Variants in ASTN1 observed in about 807,000 individuals in gnomAD.
ASTN1 encodes astrotactin 1, also known as astrotactin-1.
ASTN1 carries 41 observed loss-of-function variants against 140.7 expected under a neutral mutation model. That is an observed-to-expected ratio of 0.29 (90% CI 0.23 to 0.38). The LOEUF (loss-of-function observed/expected upper bound fraction) is 0.38. Ranked by LOEUF, ASTN1 falls within the 10% of genes least tolerant of loss-of-function variation. The pLI is 1.00. For synonymous variants in ASTN1, 640 were observed against 652.2 expected, an observed-to-expected ratio of 0.98 and a Z score of 0.29; for missense variants, 1,479 against 1,678.8, an observed-to-expected ratio of 0.88 and a Z score of 2.08.
At chr1:177,018,705 G>C (rs1675680925) in intron 7 of ASTN1, among the ~76,000 whole-genome samples, 1 of 152,156 alleles carries the variant, frequency 6.6e-6, no homozygotes, top group Non-Finnish European at 1.5e-5. Flanking sequence ...CTGTCCATAT[G>C]GCAGAATGAA....
chr1:176,926,305 A>G (rs1213002326), intron 16 of ASTN1, among the ~76,000 whole-genome samples: 1 of 136,926 alleles, frequency 7.3e-6, no homozygotes, highest in Non-Finnish European at 1.6e-5. Flanking sequence ...AAAAAAAAAA[A>G]GGTAGCTATT....
intron 16 of ASTN1, among the ~76,000 whole-genome samples, chr1:176,900,454 C>T (rs534022581): frequency 6.7e-6 from 1 of 149,108 alleles, no homozygotes; most frequent in Admixed American, 6.7e-5. Flanking sequence ...TGGTGTGTTT[C>T]TCTCTCTCTC....
At chr1:177,139,136 G>A (rs767432696) in intron 1 of ASTN1, among the ~76,000 whole-genome samples, 1 of 152,154 alleles carries the variant, frequency 6.6e-6, no homozygotes, top group Admixed American at 6.5e-5. Flanking sequence ...TTTTAGATGA[G>A]CATAGCATTG....
intron 1 of ASTN1, among the ~76,000 whole-genome samples, chr1:177,108,595 T>C (rs1680665472): frequency 6.6e-6 from 1 of 152,140 alleles, no homozygotes; most frequent in Non-Finnish European, 1.5e-5. Context: ...AACACACATA[T>C]CTTATTTTCT....
chr1:177,010,273 G>A (rs770844743), intron 8 of ASTN1, among the ~76,000 whole-genome samples: 8 of 152,126 alleles, frequency 5.3e-5, no homozygotes, highest in Non-Finnish European at 8.8e-5. Context: ...TGTCTATGCA[G>A]CCACAGGGAT....
Position 176,946,067 on chromosome 1 carries a change from G to A in ASTN1, c.2108C>T (p.Thr703Met), listed in dbSNP as rs774847597. The change falls in exon 13 of 23, where the codon ACG becomes ATG. Residue 703 changes from threonine to methionine, a missense_variant. Around this residue, in one of 3 missense-constraint regions of ASTN1, gnomAD observed 746 missense variants for 800.9 expected, o/e 0.93. Coordinates refer to ENST00000361833, the MANE Select transcript of ASTN1 (RefSeq NM_004319.3). ...GVDGRSCQLI[T>M]ETCPEGSDCG... is the part of the protein sequence containing the mutation. Reference sequence around the variant, plus strand: ...GTCACTTCCCTCTGGACAGGTCTCCGTGATGAGTTGGCAAGAGCGTCCATC... The same window carrying A: ...GTCACTTCCCTCTGGACAGGTCTCCATGATGAGTTGGCAAGAGCGTCCATC... The A allele has an allele frequency of 7.4e-6, 12 of 1,613,834 alleles. No homozygotes were observed. Among genetic ancestry groups the A allele is most frequent in the African/African-American group, 1.3e-5 (1 of 75,034 alleles).
At chr1:177,135,665 C>T (rs1465232937) in intron 1 of ASTN1, among the ~76,000 whole-genome samples, 1 of 152,166 alleles carries the variant, frequency 6.6e-6, no homozygotes, top group East Asian at 1.9e-4. Context: ...GATGTCTGTT[C>T]ACCATGCTCT....
At position 176,949,300 on chromosome 1, in the gene ASTN1, G is replaced by T. The variant is rs1237890738; in HGVS notation, c.1939C>A (p.His647Asn). 6.2e-7 allele frequency: 1 copy of T among 1,614,120 alleles called. No individual in the cohort carries two copies. Among genetic ancestry groups the T allele is most frequent in the East Asian group, 2.2e-5 (1 of 44,868 alleles). The change falls in exon 12 of 23, where the codon CAC (histidine) becomes AAC (asparagine). Residue 647 changes from histidine to asparagine, a missense_variant. His to Asn is a moderately conservative substitution (Grantham distance 68). Coordinates refer to ENST00000361833, the MANE Select transcript of ASTN1 (RefSeq NM_004319.3). ...MKDSSGCYDRHIGVDCSDGFN... is the reference protein window; with the variant it reads ...MKDSSGCYDRNIGVDCSDGFN... ...CCGTCGGAACAGTCCACCCCGATGT[G>T]GCGGTCATAGCAGCCAGAGCTGTCC...
chr1:177,039,586 C>A (rs1375835870), intron 2 of ASTN1, among the ~76,000 whole-genome samples: 1 of 152,162 alleles, frequency 6.6e-6, no homozygotes, highest in South Asian at 2.1e-4. Flanking sequence ...ACGGAGCCTA[C>A]TGGAAAACTA....
rs148834492 is a variant in ASTN1 at position 176,903,168 on chromosome 1, C to T, written c.2672-8338G>A. Among the ~76,000 whole-genome samples the T allele has an allele frequency of 8.5e-5, 13 of 152,310 alleles. 1 individual carries two copies. In the East Asian group the frequency reaches 1.9e-3, roughly 23 times the overall value. On this transcript the variant is annotated intron_variant, in intron 16 of 22. Transcript: ENST00000361833. ...CAAGGCTGGGAATGTAAGGCACCTC[C>T]ATGGGATTTTCCTAAAGCATCTGCT...
chr1:177,032,733 C>T lies in ASTN1; in HGVS notation c.588G>A (p.Glu196=). The change falls in exon 3 of 23, where the codon GAG becomes GAA. Residue 196 remains glutamate, a synonymous_variant. Transcript: ENST00000361833. ...GAATGTAGTGAATCTCATTGGCTGC[C>T]TCAGCACTGGCACTCTTCTGGGGCT... ...VPQPQKSASA[E]AANEIHYIPS... The T allele has an allele frequency of 2.5e-6, 4 of 1,613,958 alleles. No homozygotes were observed. Among genetic ancestry groups the T allele is most frequent in the Non-Finnish European group, 3.4e-6 (4 of 1,180,040 alleles).
At chr1:176,975,812 A>G (rs1397604758) in intron 8 of ASTN1, among the ~76,000 whole-genome samples, 2 of 152,320 alleles carry the variant, frequency 1.3e-5, no homozygotes, top group South Asian at 2.1e-4. Context: ...CATTTCACCA[A>G]TCTAGGGTTG....
intron 1 of ASTN1, among the ~76,000 whole-genome samples, chr1:177,142,914 GGT>G (rs1467836708): frequency 6.6e-6 from 1 of 150,802 alleles, no homozygotes; most frequent in African/African-American, 2.5e-5. Flanking sequence ...GGGGGGGAGG[GGT>G]GCTGAGTTTC....
chr1:176,958,344 C>T lies in ASTN1; in HGVS notation c.1736+1G>A. The T allele has an allele frequency of 6.2e-7, 1 of 1,613,998 alleles. No homozygotes were observed. Among genetic ancestry groups the T allele is most frequent in the Non-Finnish European group, 8.5e-7 (1 of 1,179,904 alleles). ...GGCCTCAGTCCTGAAGCCAGACTCA[C>T]CTGACCTCCACAGCATCCTCCATCA... is the stretch of plus-strand genomic sequence containing the variant. On this transcript the variant is annotated splice_donor_variant, in intron 10 of 22. Coordinates refer to ENST00000361833, the MANE Select transcript of ASTN1 (RefSeq NM_004319.3). LOFTEE classifies it high-confidence loss of function.
chr1:177,045,218 C>T (rs556199782), intron 2 of ASTN1, among the ~76,000 whole-genome samples: 7 of 152,274 alleles, frequency 4.6e-5, no homozygotes, highest in African/African-American at 1.4e-4. Flanking sequence ...TCCTTAATCC[C>T]TAATTCTGTT....
chr1:177,087,496 ATTT>A (rs1679533155), intron 1 of ASTN1, among the ~76,000 whole-genome samples: 1 of 152,130 alleles, frequency 6.6e-6, no homozygotes, highest in South Asian at 2.1e-4. Context: ...CCTGAACATT[ATTT>A]ATTATTCAGA....
At chr1:176,916,563 G>T (rs1453395780) in intron 16 of ASTN1, among the ~76,000 whole-genome samples, 3 of 152,022 alleles carry the variant, frequency 2.0e-5, no homozygotes, top group Non-Finnish European at 2.9e-5. Flanking sequence ...CACTGCTATG[G>T]CTCAACACAC....
Position 176,888,189 on chromosome 1 carries a change from T to C in ASTN1, c.2956A>G (p.Thr986Ala). The C allele has an allele frequency of 1.9e-6, 3 of 1,613,982 alleles. No individual in the cohort carries two copies. Among genetic ancestry groups the C allele is most frequent in the South Asian group, 2.2e-5 (2 of 91,078 alleles). The change falls in exon 18 of 23, where the codon ACC becomes GCC. Residue 986 changes from threonine (T) to alanine (A), a missense_variant. Physicochemically the swap from Thr to Ala is moderately conservative, Grantham distance 58. Around this residue, in one of 3 missense-constraint regions of ASTN1, gnomAD observed 746 missense variants for 800.9 expected, o/e 0.93. Transcript: ENST00000361833. ...CCTGAGCACCAGAGAGAGCTCATGG[T>C]AGCCTCCTGCAAGAGCTGCATAAGA... ...NQTQRLLQEA[T>A]MSSLWCSGTG...
intron 5 of ASTN1, among the ~76,000 whole-genome samples, chr1:177,028,925 G>A (rs989097154): frequency 3.9e-5 from 6 of 152,170 alleles, no homozygotes; most frequent in East Asian, 1.9e-4. Context: ...CTTGTGCTCC[G>A]AACTCCGCTG....
Sources: allele counts gnomAD v4.1 joint callset (sites outside exome capture counted in the v4.1 genomes callset), GRCh38; gene constraint gnomAD v4.1.1; regional missense constraint gnomAD v4.1.1; transcripts MANE v1.5; gene names NCBI Gene and HGNC (gene_info 2026-07-23, HGNC 2026-07-21).